The following MYLK2 variants were observed in gnomAD, a reference collection of about 807,000 sequenced individuals.
MYLK2 encodes the protein myosin light chain kinase 2, also known as myosin light chain kinase 2, skeletal/cardiac muscle.
Under a neutral mutation model 58.2 loss-of-function variants are expected in MYLK2, and 27 were observed. The observed-to-expected ratio is 0.46, with a 90% CI of 0.34 to 0.64. The LOEUF is 0.64. MYLK2 is among the 30% of genes least tolerant of loss of function. MYLK2 has a pLI of 0.01. For synonymous variants in MYLK2, 310 were observed against 296.7 expected (o/e 1.04, Z -0.46); for missense variants, 676 against 764.3 (o/e 0.88, Z 1.36).
Position 31,834,075 on chromosome 20 carries a change from A to C in MYLK2, c.*278A>C. ...ACCCCAGACTCCAGGCCCCCGTTGA[A>C]GCCGCTCCCGGTTCCCTCCCCAGCT... On this transcript the variant is annotated 3_prime_UTR_variant, in exon 13 of 13. Coordinates refer to ENST00000375985, the MANE Select transcript of MYLK2 (RefSeq NM_033118.4). 1 of 497,602 alleles carries C rather than the reference A, an allele frequency of 2.0e-6. No individual in the cohort carries two copies. 30.8% of individuals were successfully genotyped at this position (497,602 alleles called of 1,614,324 possible). A position where few individuals can be genotyped will look rare whatever the true frequency, so the allele number is the denominator to read the frequency against.
chr20:31,823,802 A>C (rs2062264488), intron 5 of MYLK2: 1 of 443,326 alleles, frequency 2.3e-6, no homozygotes, highest in African/African-American at 2.1e-5. Context: ...TCAGCCATTC[A>C]GTGCTTCCGT....
chr20:31,826,669 A>T lies in MYLK2; in HGVS notation c.1037A>T (p.Tyr346Phe). 2 of 1,614,068 alleles carry T rather than the reference A, an allele frequency of 1.2e-6. No homozygotes were observed. The highest frequency in any genetic ancestry group is 2.2e-5 in the East Asian group (1 of 44,868). Residue 346 changes from tyrosine (Y) to phenylalanine (F), a missense_variant, in exon 7 of 13, where the codon TAT becomes TTT. Physicochemically the swap from Tyr to Phe is conservative, Grantham distance 22 (BLOSUM62 3). Transcript: ENST00000375985. ...AACCACCGCAATCTGATCCAGCTGTATGCAGCCATCGAGACTCCGCATGAG... is the reference window on the plus strand; with the variant it reads ...AACCACCGCAATCTGATCCAGCTGTTTGCAGCCATCGAGACTCCGCATGAG... Reference protein sequence around the residue: ...QLNHRNLIQLYAAIETPHEIV... With the variant: ...QLNHRNLIQLFAAIETPHEIV...
chr20:31,819,693 A>G, intron 2 of MYLK2, 61 bp downstream of exon 2: 1 of 1,539,276 alleles, frequency 6.5e-7, no homozygotes, highest in Middle Eastern at 1.7e-4. Flanking sequence ...TGAATCCAGG[A>G]CTGGGCAGGT....
intron 8 of MYLK2, among the ~76,000 whole-genome samples, chr20:31,829,263 C>CA (rs1006767291): frequency 4.6e-5 from 7 of 151,782 alleles, no homozygotes; most frequent in South Asian, 2.1e-4. Context: ...CGTTTTTTGT[C>CA]AAAAAAAGTG....
At position 31,826,952 on chromosome 20, in the gene MYLK2, G is replaced by A. The variant is rs1299187593; in HGVS notation, c.1224+14G>A. 3 of 1,613,854 alleles carry A rather than the reference G, an allele frequency of 1.9e-6. No individual in the cohort carries two copies. The African/African-American group carries it at 4.0e-5, about 22-fold the overall frequency. On this transcript the variant is annotated intron_variant, in intron 8 of 12. Transcript: ENST00000375985. ...CTGGACCTCAAGGTACCAGACTGGG[G>A]CCTCCTGGGAAGGGTCAGGGGCAGC...
intron 4 of MYLK2, among the ~76,000 whole-genome samples, chr20:31,822,013 C>T (rs946215953): frequency 2.4e-4 from 36 of 152,312 alleles, no homozygotes; most frequent in Middle Eastern, 3.4e-3. Flanking sequence ...CTTGGCCTCC[C>T]GAGTAGCTGG....
At chr20:31,822,613 G>A (rs907029211) in intron 4 of MYLK2, among the ~76,000 whole-genome samples, 2 of 152,144 alleles carry the variant, frequency 1.3e-5, no homozygotes, top group Non-Finnish European at 2.9e-5. Context: ...GGCTGGGGGT[G>A]GGGTGAGATG....
In MYLK2 at chr20:31,819,600, C is replaced by T; in HGVS notation, c.20C>T (p.Ala7Val). MATENG[A>V]VELGIQNPST... ...TACCTCATGGCGACAGAAAATGGAG[C>T]AGTTGAGCTGGGAATTCAGAACCCA... The change falls in exon 2 of 13, where the codon GCA (alanine) becomes GTA (valine). Residue 7 changes from alanine to valine, a missense_variant. Coordinates refer to ENST00000375985, the MANE Select transcript of MYLK2 (RefSeq NM_033118.4). The T allele has an allele frequency of 6.4e-7, 1 of 1,551,592 alleles. No homozygotes were observed. Among genetic ancestry groups the T allele is most frequent in the South Asian group, 1.2e-5 (1 of 84,062 alleles).
intron 10 of MYLK2, 79 bp downstream of exon 10, chr20:31,831,220 G>A (rs2062304934): frequency 1.9e-6 from 3 of 1,604,078 alleles, no homozygotes; most frequent in Non-Finnish European, 2.6e-6. Flanking sequence ...TGGCCCTAGG[G>A]TCTTGGTAAG....
chr20:31,831,656 G>A, intron 10 of MYLK2, 47 bp from the exon 11 acceptor site: 1 of 1,603,424 alleles, frequency 6.2e-7, no homozygotes, highest in Non-Finnish European at 8.5e-7. Flanking sequence ...AGGTGACTCA[G>A]CACCTCCAAT....
chr20:31,819,741 T>C (rs1472542827), intron 2 of MYLK2, 109 bp downstream of exon 2: 2 of 1,336,700 alleles, frequency 1.5e-6, no homozygotes, highest in African/African-American at 1.5e-5. Flanking sequence ...CTTGTTTGCA[T>C]GGTGCACGGG....
At position 31,824,389 on chromosome 20, in the gene MYLK2, G is replaced by A. The variant is rs375476387; in HGVS notation, c.972+37G>A. ...GCGGGGGTGGTGGCTGCCCAGGATG[G>A]GGAGGGGATCCTTGGAGTGGGCACC... On this transcript the variant is annotated intron_variant, in intron 6 of 12. Transcript: ENST00000375985. 4 of 1,587,886 alleles carry A rather than the reference G, an allele frequency of 2.5e-6. No individual in the cohort carries two copies. In the African/African-American group the frequency reaches 5.4e-5, roughly 21 times the overall value.
chr20:31,821,392 C>T (rs2123127541), intron 3 of MYLK2, 47 bp from the exon 4 acceptor site: 2 of 1,610,230 alleles, frequency 1.2e-6, no homozygotes, highest in Non-Finnish European at 1.7e-6. Flanking sequence ...CCTGATGCCA[C>T]AGGCTGTGGC....
At chr20:31,822,750 G>A (rs1258759734) in intron 4 of MYLK2, among the ~76,000 whole-genome samples, 1 of 152,102 alleles carries the variant, frequency 6.6e-6, no homozygotes, top group African/African-American at 2.4e-5. Flanking sequence ...CCTGGCGGCT[G>A]GGCGGCAGCC....
intron 2 of MYLK2, 98 bp downstream of exon 2, chr20:31,819,730 C>T (rs1462130145): frequency 2.1e-6 from 3 of 1,420,658 alleles, no homozygotes; most frequent in African/African-American, 1.4e-5. Context: ...TGTGCCCCAG[C>T]CTTGTTTGCA....
chr20:31,824,144 A>C lies in MYLK2; in HGVS notation c.879-115A>C, dbSNP rs148471585. On this transcript the variant is annotated intron_variant, in intron 5 of 12. Coordinates refer to ENST00000375985, the MANE Select transcript of MYLK2 (RefSeq NM_033118.4). ...CTGGGGTGAGTGCTCCCATCTCACCAAAGGGGATCCAGAGGCACCACTGGG... is the reference window on the plus strand; with the variant it reads ...CTGGGGTGAGTGCTCCCATCTCACCCAAGGGGATCCAGAGGCACCACTGGG... The C allele has an allele frequency of 1.4e-4, 213 of 1,537,598 alleles. 1 individual carries two copies. The East Asian group carries it at 4.6e-3, about 33-fold the overall frequency.
rs587781091 is a variant in MYLK2, at chr20:31,821,592, G to A, written c.627G>A (p.Glu209=). The part of the protein sequence containing the change: ...ILAESQKEVG[E]KTPGQAGQAK... ...CAGAGAGCCAGAAGGAAGTGGGAGA[G>A]AAAACCCCAGGCCAGGCTGGCCAGG... is the stretch of plus-strand genomic sequence containing the variant. The change falls in exon 4 of 13, where the codon GAG becomes GAA. Residue 209 remains glutamate (E), a synonymous_variant. Transcript: ENST00000375985. 13 of 1,614,124 alleles carry A rather than the reference G, an allele frequency of 8.1e-6. No individual in the cohort carries two copies. The highest frequency in any genetic ancestry group is 6.7e-5 in the East Asian group (3 of 44,890).
At chr20:31,820,067 C>T in intron 2 of MYLK2, 59 bp from the exon 3 acceptor site, 1 of 1,607,432 alleles carries the variant, frequency 6.2e-7, no homozygotes, top group Non-Finnish European at 8.5e-7. Flanking sequence ...TCTGCCCAGC[C>T]TGGGTGAGAG....
At chr20:31,820,677 T>C in intron 3 of MYLK2, 131 bp downstream of exon 3, 1 of 1,191,388 alleles carries the variant, frequency 8.4e-7, no homozygotes, top group South Asian at 1.3e-5. Flanking sequence ...ACATTCAGTT[T>C]CCTCTGTCCT....
Sources: allele counts gnomAD v4.1 joint callset (sites outside exome capture counted in the v4.1 genomes callset), GRCh38; gene constraint gnomAD v4.1.1; transcripts MANE v1.5; gene names NCBI Gene and HGNC (gene_info 2026-07-23, HGNC 2026-07-21).